NXPH1: variants seen among roughly 807,000 people sequenced by gnomAD.
NXPH1 encodes neurexophilin-1.
Under a neutral mutation model 23.7 loss-of-function variants are expected in NXPH1, and 5 were observed. The observed-to-expected ratio is 0.21, with a 90% CI of 0.11 to 0.44. NXPH1 has a LOEUF of 0.44. Ranked by LOEUF, NXPH1 falls within the 20% of genes least tolerant of loss-of-function variation. The pLI, the probability that NXPH1 is intolerant of heterozygous loss-of-function variation, is 0.99. For synonymous variants in NXPH1, 144 were observed against 122.2 expected, an observed-to-expected ratio of 1.18 and a Z score of -1.18; for missense variants, 324 against 321.6, an observed-to-expected ratio of 1.01 and a Z score of -0.06.
At chr7:8,706,765 A>T (rs1294840615) in intron 2 of NXPH1, among the ~76,000 whole-genome samples, 1 of 152,132 alleles carries the variant, frequency 6.6e-6, no homozygotes, top group East Asian at 1.9e-4. Flanking sequence ...GACTAATCTG[A>T]CAGTTGTAGA....
chr7:8,672,727 T>C lies in NXPH1; in HGVS notation c.55-78281T>C, dbSNP rs886467063. 1.2e-4 allele frequency among the ~76,000 whole-genome samples: 18 copies of C among 152,360 alleles called. No individual in the cohort carries two copies. The East Asian group carries it at 1.5e-3, about 13-fold the overall frequency. On this transcript the variant is annotated intron_variant, in intron 2 of 2. Transcript: ENST00000405863. ...AGGCGACCTAAGTGGTTTCAACTTA[T>C]ACGAACACTGTGTGCTAACAGCTGT...
At chr7:8,707,604 T>G (rs1336609670) in intron 2 of NXPH1, among the ~76,000 whole-genome samples, 5 of 152,088 alleles carry the variant, frequency 3.3e-5, no homozygotes, top group Admixed American at 6.5e-5. Flanking sequence ...ATATATATAC[T>G]CATCATCTCA....
intron 2 of NXPH1, among the ~76,000 whole-genome samples, chr7:8,473,043 A>G (rs533128685): frequency 6.6e-6 from 1 of 152,100 alleles, no homozygotes; most frequent in South Asian, 2.1e-4. Context: ...CTCCAATTCT[A>G]AAAACAGACC....
intron 2 of NXPH1, among the ~76,000 whole-genome samples, chr7:8,614,618 A>T (rs933057478): frequency 6.6e-6 from 1 of 152,020 alleles, no homozygotes; most frequent in Non-Finnish European, 1.5e-5. Flanking sequence ...ATATGTAGGT[A>T]TGTATATGTC....
At chr7:8,512,887 G>T (rs1227664187) in intron 2 of NXPH1, among the ~76,000 whole-genome samples, 4 of 152,084 alleles carry the variant, frequency 2.6e-5, no homozygotes, top group Non-Finnish European at 5.9e-5. Context: ...TACATTCTTA[G>T]AAACAGTAAT....
chr7:8,622,812 A>G (rs555125087), intron 2 of NXPH1, among the ~76,000 whole-genome samples: 1 of 152,228 alleles, frequency 6.6e-6, no homozygotes, highest in Admixed American at 6.5e-5. Context: ...TACAAGTGCG[A>G]GTAATCTCTG....
intron 2 of NXPH1, among the ~76,000 whole-genome samples, chr7:8,715,274 T>C (rs1779858774): frequency 6.6e-6 from 1 of 152,024 alleles, no homozygotes; most frequent in South Asian, 2.1e-4. Flanking sequence ...CCAGGTTCTC[T>C]CTCCATACCA....
chr7:8,671,257 TAAG>T (rs1314701917), intron 2 of NXPH1, among the ~76,000 whole-genome samples: 1 of 152,222 alleles, frequency 6.6e-6, no homozygotes, highest in African/African-American at 2.4e-5. Context: ...ACTATCATGT[TAAG>T]AAGAACATAT....
intron 2 of NXPH1, among the ~76,000 whole-genome samples, chr7:8,627,521 G>C (rs1410138862): frequency 1.3e-5 from 2 of 152,118 alleles, no homozygotes; most frequent in African/African-American, 2.4e-5. Flanking sequence ...AGGATCGCAG[G>C]GGGAGAAAGG....
intron 2 of NXPH1, among the ~76,000 whole-genome samples, chr7:8,540,572 C>G (rs953692385): frequency 1.3e-4 from 20 of 151,656 alleles, no homozygotes; most frequent in Non-Finnish European, 2.7e-4. Context: ...ATGGGGAGGT[C>G]AAGGCGGTTA....
At chr7:8,749,350 C>T (rs967082346) in intron 2 of NXPH1, among the ~76,000 whole-genome samples, 3 of 152,190 alleles carry the variant, frequency 2.0e-5, no homozygotes, top group African/African-American at 4.8e-5. Context: ...GGGCACACAG[C>T]TTGGCAGTGT....
chr7:8,553,749 C>T (rs1053675932), intron 2 of NXPH1, among the ~76,000 whole-genome samples: 1 of 151,616 alleles, frequency 6.6e-6, no homozygotes, highest in South Asian at 2.1e-4. Context: ...GATGTTCAAA[C>T]ACCCTTGGTT....
At chr7:8,708,343 T>G (rs1779735181) in intron 2 of NXPH1, among the ~76,000 whole-genome samples, 1 of 152,096 alleles carries the variant, frequency 6.6e-6, no homozygotes, top group Admixed American at 6.6e-5. Flanking sequence ...CATGTTTTTC[T>G]TTTCTTTTTT....
chr7:8,588,173 T>C (rs1819017675), intron 2 of NXPH1, among the ~76,000 whole-genome samples: 1 of 152,136 alleles, frequency 6.6e-6, no homozygotes, highest in African/African-American at 2.4e-5. Flanking sequence ...GTTCAACCAT[T>C]GTGGAAGACA....
At chr7:8,654,747 C>T (rs540027243) in intron 2 of NXPH1, among the ~76,000 whole-genome samples, 16 of 152,296 alleles carry the variant, frequency 1.1e-4, no homozygotes, top group Admixed American at 5.2e-4. Flanking sequence ...TGGGACACCC[C>T]TGCCTGCTCC....
intron 2 of NXPH1, among the ~76,000 whole-genome samples, chr7:8,741,058 A>T (rs1780352814): frequency 1.3e-5 from 2 of 152,132 alleles, no homozygotes; most frequent in African/African-American, 2.4e-5. Flanking sequence ...AATTTCCTCC[A>T]TTCCCCAGCC....
At chr7:8,563,666 T>C (rs891649770) in intron 2 of NXPH1, among the ~76,000 whole-genome samples, 6 of 151,814 alleles carry the variant, frequency 4.0e-5, no homozygotes, top group East Asian at 3.9e-4. Context: ...GTGATTCTGG[T>C]TGGGGGAAAA....
At chr7:8,705,836 C>G (rs1424794701) in intron 2 of NXPH1, among the ~76,000 whole-genome samples, 1 of 152,144 alleles carries the variant, frequency 6.6e-6, no homozygotes. Flanking sequence ...ATAATTCAGT[C>G]CTCAAAGATT....
rs143655107 is a variant in NXPH1, at chr7:8,655,188, C to T, written c.55-95820C>T. Reference sequence around the variant, plus strand: ...TTGCTTGAAGCCAGGAACTCGAGACCAGCCTGGGCAAAATTACAAAACCTT... The same window carrying T: ...TTGCTTGAAGCCAGGAACTCGAGACTAGCCTGGGCAAAATTACAAAACCTT... On this transcript the variant is annotated intron_variant, in intron 2 of 2. Transcript: ENST00000405863. Among the ~76,000 whole-genome samples the T allele has an allele frequency of 4.6e-5, 7 of 152,134 alleles. No homozygotes were observed. The East Asian group carries it at 1.4e-3, about 29-fold the overall frequency.
Sources: gnomAD v4.1 joint callset for allele counts (sites outside exome capture counted in the v4.1 genomes callset) on GRCh38, gnomAD v4.1.1 for gene constraint, MANE v1.5 for transcripts, NCBI Gene and HGNC (gene_info 2026-07-23, HGNC 2026-07-21) for gene names.